Variants in SLC7A1 observed in about 807,000 individuals in gnomAD.
SLC7A1 encodes the protein high affinity cationic amino acid transporter 1.
SLC7A1 carries 10 observed loss-of-function variants against 53.9 expected under a neutral mutation model. That is an observed-to-expected ratio of 0.19 (90% confidence interval 0.11 to 0.31). The LOEUF (loss-of-function observed/expected upper bound fraction) is 0.31. SLC7A1 is among the 10% of genes least tolerant of loss of function. The pLI is 1.00. For missense variants in SLC7A1, 525 were observed against 827.2 expected (o/e 0.63, Z 4.48); for synonymous variants, 342 against 338.7 (o/e 1.01, Z -0.11).
chr13:29,562,400 C>T (rs1323513406), intron 1 of SLC7A1, among the ~76,000 whole-genome samples: 1 of 152,182 alleles, frequency 6.6e-6, no homozygotes, highest in African/African-American at 2.4e-5. Context: ...ATCTGAAATG[C>T]TTCAAAATCT....
chr13:29,516,918 C>T (rs1267590469), intron 11 of SLC7A1: 4 of 452,266 alleles, frequency 8.8e-6, no homozygotes, highest in East Asian at 6.9e-5. Flanking sequence ...TGTCAGCCTG[C>T]CCTTGACTAC....
rs1459966003 is a variant in SLC7A1, at chr13:29,509,760, C to A, written c.*4720G>T. On this transcript the variant is annotated 3_prime_UTR_variant, in exon 13 of 13. Coordinates refer to ENST00000380752, the MANE Select transcript of SLC7A1 (RefSeq NM_003045.5). ...ATATACAAATGTACATAATAAAAAA[C>A]ACACAACTCTTAATAATGGCTCCAT... The A allele has an allele frequency of 6.6e-6, 1 of 152,326 alleles. No individual in the cohort carries two copies. The highest frequency in any genetic ancestry group is 1.5e-5 in the Non-Finnish European group (1 of 67,990). 9.4% of individuals were successfully genotyped at this position (152,326 alleles called of 1,614,324 possible).
At chr13:29,529,097 A>G (rs1869032015) in intron 5 of SLC7A1, among the ~76,000 whole-genome samples, 1 of 152,204 alleles carries the variant, frequency 6.6e-6, no homozygotes, top group East Asian at 1.9e-4. Flanking sequence ...AGATTAATGG[A>G]CACCCATAAA....
chr13:29,587,573 G>A (rs75434710), intron 1 of SLC7A1, among the ~76,000 whole-genome samples: 4 of 152,098 alleles, frequency 2.6e-5, no homozygotes, highest in Admixed American at 6.5e-5. Context: ...CCTCAATCAC[G>A]CTCCAGGCCC....
intron 4 of SLC7A1, among the ~76,000 whole-genome samples, chr13:29,531,966 C>T (rs1266926127): frequency 6.6e-6 from 1 of 152,164 alleles, no homozygotes; most frequent in Non-Finnish European, 1.5e-5. Context: ...TATATTGTTT[C>T]TTTAGTGTCC....
intron 1 of SLC7A1, among the ~76,000 whole-genome samples, chr13:29,577,097 A>C (rs1450907536): frequency 1.3e-5 from 2 of 152,242 alleles, no homozygotes; most frequent in African/African-American, 4.8e-5. Context: ...AATTCAAATG[A>C]AATTTGGCAT....
chr13:29,573,062 C>T (rs60996447), intron 1 of SLC7A1, among the ~76,000 whole-genome samples: 2,627 of 152,080 alleles, frequency 0.017, 74 homozygotes, highest in African/African-American at 0.06. Context: ...AATAATGTCA[C>T]GAAACATGAA....
At chr13:29,524,314 C>G (rs1868783270) in intron 5 of SLC7A1, 61 bp from the exon 6 acceptor site, 2 of 1,603,578 alleles carry the variant, frequency 1.2e-6, no homozygotes, top group Middle Eastern at 3.4e-4. Context: ...GCGTAAGGAG[C>G]TGTGCTCATC....
At chr13:29,542,371 C>T (rs1476496210) in intron 2 of SLC7A1, among the ~76,000 whole-genome samples, 2 of 152,132 alleles carry the variant, frequency 1.3e-5, no homozygotes, top group Non-Finnish European at 2.9e-5. Flanking sequence ...AGGAGAATTG[C>T]TTGAACCTGG....
At chr13:29,568,547 T>A (rs540145780) in intron 1 of SLC7A1, among the ~76,000 whole-genome samples, 60 of 152,220 alleles carry the variant, frequency 3.9e-4, no homozygotes, top group Non-Finnish European at 7.2e-4. Context: ...TAAAAACGCA[T>A]GTGCATTCCC....
At chr13:29,549,734 G>A (rs1022239911) in intron 2 of SLC7A1, among the ~76,000 whole-genome samples, 3 of 152,166 alleles carry the variant, frequency 2.0e-5, no homozygotes, top group Non-Finnish European at 2.9e-5. Flanking sequence ...GCACCATCTC[G>A]GCTCACTGTA....
intron 2 of SLC7A1, among the ~76,000 whole-genome samples, chr13:29,550,320 C>A (rs1870115539): frequency 1.3e-5 from 2 of 152,114 alleles, no homozygotes; most frequent in South Asian, 2.1e-4. Flanking sequence ...GGGCTGTGAC[C>A]CTGTAGAAGA....
intron 12 of SLC7A1, 36 bp from the exon 13 acceptor site, chr13:29,514,619 C>A: frequency 6.6e-7 from 1 of 1,510,352 alleles, no homozygotes; most frequent in East Asian, 2.4e-5. Context: ...GTGAACAGAC[C>A]GCCGGTTGCA....
intron 1 of SLC7A1, among the ~76,000 whole-genome samples, chr13:29,583,255 C>A (rs985450524): frequency 6.6e-6 from 1 of 152,224 alleles, no homozygotes; most frequent in Non-Finnish European, 1.5e-5. Context: ...GGAACAAGGG[C>A]AATTCCCAGA....
At chr13:29,520,864 T>C (rs1165967341) in intron 8 of SLC7A1, among the ~76,000 whole-genome samples, 1 of 152,208 alleles carries the variant, frequency 6.6e-6, no homozygotes, top group Non-Finnish European at 1.5e-5. Context: ...ACGGGAAACT[T>C]GAGACTAATT....
chr13:29,575,946 T>A (rs1481061844), intron 1 of SLC7A1, among the ~76,000 whole-genome samples: 1 of 152,098 alleles, frequency 6.6e-6, no homozygotes, highest in Non-Finnish European at 1.5e-5. Context: ...TGCCTAGTGC[T>A]CACATGAACA....
At chr13:29,560,898 T>C (rs1870726740) in intron 1 of SLC7A1, among the ~76,000 whole-genome samples, 1 of 152,208 alleles carries the variant, frequency 6.6e-6, no homozygotes, top group Non-Finnish European at 1.5e-5. Context: ...CTGAACGATT[T>C]ATAAATCAAA....
In SLC7A1 at chr13:29,514,280, G is replaced by A. The variant is rs1883487208; in HGVS notation, c.*200C>T. On this transcript the variant is annotated 3_prime_UTR_variant, in exon 13 of 13. Coordinates refer to ENST00000380752, the MANE Select transcript of SLC7A1 (RefSeq NM_003045.5). Reference sequence around the variant, plus strand: ...AGTGGCCCCGGCCAGGCAGCTGTCTGGAGGTGACCAGGGCCCGGAGAACCG... The same window carrying A: ...AGTGGCCCCGGCCAGGCAGCTGTCTAGAGGTGACCAGGGCCCGGAGAACCG... 3.4e-6 allele frequency: 2 copies of A among 586,938 alleles called. No individual in the cohort carries two copies. Among genetic ancestry groups the A allele is most frequent in the Non-Finnish European group, 6.1e-6 (2 of 326,614 alleles). 36.4% of individuals were successfully genotyped at this position (586,938 alleles called of 1,614,324 possible). A position where few individuals can be genotyped will look rare whatever the true frequency, so the allele number is the denominator to read the frequency against.
rs374941101 is a variant in SLC7A1, at chr13:29,519,402, G to A, written c.1292+45C>T. On this transcript the variant is annotated intron_variant, in intron 9 of 12. Coordinates refer to ENST00000380752, the MANE Select transcript of SLC7A1 (RefSeq NM_003045.5). The stretch of plus-strand genomic sequence containing the variant: ...AGCTGAACTGTGAAAAGGCTACCAG[G>A]TGCATCTGCATTTCTGTCATGAGAC... 4.6e-4 allele frequency: 506 copies of A among 1,109,590 alleles called. 1 individual carries two copies. Among genetic ancestry groups the A allele is most frequent in the Admixed American group, 3.2e-3 (185 of 57,714 alleles). 68.7% of individuals were successfully genotyped at this position (1,109,590 alleles called of 1,614,324 possible).
Sources: gnomAD v4.1 joint callset for allele counts (sites outside exome capture counted in the v4.1 genomes callset) on GRCh38, gnomAD v4.1.1 for gene constraint, MANE v1.5 for transcripts, NCBI Gene and HGNC (gene_info 2026-07-23, HGNC 2026-07-21) for gene names.